Variants in TNR observed in about 807,000 individuals in gnomAD.
TNR encodes the protein tenascin-R.
Under a neutral mutation model 150.4 loss-of-function variants are expected in TNR, and 45 were observed. The observed-to-expected ratio is 0.30, with a 90% CI of 0.24 to 0.38. The LOEUF is 0.38. TNR is among the 10% of genes least tolerant of loss of function. The pLI, the probability that TNR is intolerant of heterozygous loss-of-function variation, is 1.00. For missense variants in TNR, 1,544 were observed against 1,759.1 expected (o/e 0.88, Z 2.19); for synonymous variants, 687 against 678.4 (o/e 1.01, Z -0.20).
At chr1:175,349,045 TTATCTC>T (rs1343621706) in intron 18 of TNR, among the ~76,000 whole-genome samples, 2 of 152,302 alleles carry the variant, frequency 1.3e-5, no homozygotes, top group African/African-American at 2.4e-5. Flanking sequence ...GAGATATAAA[TTATCTC>T]TATGAGATTA....
intron 2 of TNR, among the ~76,000 whole-genome samples, chr1:175,436,115 C>T (rs576614477): frequency 1.3e-5 from 2 of 152,200 alleles, no homozygotes; most frequent in East Asian, 3.9e-4. Flanking sequence ...AATTATGTGT[C>T]TTGGAGTTGC....
chr1:175,366,199 G>T, intron 10 of TNR, 61 bp from the exon 11 acceptor site: 1 of 1,503,676 alleles, frequency 6.7e-7, no homozygotes. Context: ...GTATTTATTG[G>T]CCTGCTTTGT....
At chr1:175,694,134 C>T (rs1220428912) in intron 1 of TNR, among the ~76,000 whole-genome samples, 1 of 152,168 alleles carries the variant, frequency 6.6e-6, no homozygotes, top group Non-Finnish European at 1.5e-5. Context: ...GCTCAGAATC[C>T]AATATTTACA....
intron 1 of TNR, among the ~76,000 whole-genome samples, chr1:175,545,918 C>T (rs4650922): frequency 0.68 from 102,792 of 151,966 alleles, 34,976 homozygotes; most frequent in Admixed American, 0.72. Flanking sequence ...ATATGCATTA[C>T]AGATGAGGGA....
At chr1:175,466,959 G>T (rs1305769520) in intron 2 of TNR, among the ~76,000 whole-genome samples, 2 of 152,124 alleles carry the variant, frequency 1.3e-5, no homozygotes, top group Non-Finnish European at 2.9e-5. Context: ...ATTAAATTGT[G>T]GCAGAGGTGG....
intron 1 of TNR, among the ~76,000 whole-genome samples, chr1:175,713,589 C>T (rs781163780): frequency 2.6e-5 from 4 of 152,210 alleles, no homozygotes; most frequent in African/African-American, 4.8e-5. Flanking sequence ...TATGCTAAAA[C>T]GCTTCTCATT....
At chr1:175,465,632 T>C (rs1231399316) in intron 2 of TNR, among the ~76,000 whole-genome samples, 1 of 152,026 alleles carries the variant, frequency 6.6e-6, no homozygotes, top group East Asian at 1.9e-4. Flanking sequence ...TCCAGAAATA[T>C]ATGTGGAAGG....
rs1398484101 is a variant in TNR, at chr1:175,396,554, C to T, written c.1230G>A (p.Lys410=). The T allele has an allele frequency of 3.7e-6, 6 of 1,613,906 alleles. No individual in the cohort carries two copies. The Admixed American group carries it at 8.3e-5, about 22-fold the overall frequency. Residue 410 remains lysine, a synonymous_variant, in exon 5 of 23, where the codon AAG becomes AAA. Transcript: ENST00000367674. The part of the protein sequence containing the change: ...SNILSLPITA[K]VATHLSTPQG... The stretch of plus-strand genomic sequence containing the variant: ...GGAAATGGTACGTACGGGTGGCCAC[C>T]TTGGCAGTGATGGGAAGGCTGAGGA...
At chr1:175,330,459 G>A in intron 20 of TNR, 1 of 395,558 alleles carries the variant, frequency 2.5e-6, no homozygotes, top group African/African-American at 2.0e-5. Context: ...TTCCAACACA[G>A]GAAACTCAGG....
chr1:175,559,449 T>C (rs1288137347), intron 1 of TNR, among the ~76,000 whole-genome samples: 2 of 152,210 alleles, frequency 1.3e-5, no homozygotes, highest in Non-Finnish European at 2.9e-5. Flanking sequence ...TTAAATAGAA[T>C]GAAAATTGTG....
At position 175,363,732 on chromosome 1, in the gene TNR, G is replaced by A. The variant is rs2102012302; in HGVS notation, c.2683C>T (p.Arg895Ter). Reference protein sequence around the residue: ...SPPVASFDYYRVSYRPTQVGR... With the variant: ...SPPVASFDYY ...CCTTGGGTGGGTCGATATGATACTC[G>A]GTAGTAATCGAAAGATGCAACAGGA... Residue 895 changes from arginine (R) to a stop codon, truncating the protein, a stop_gained, in exon 13 of 23, where the codon CGA becomes TGA. Coordinates refer to ENST00000367674, the MANE Select transcript of TNR (RefSeq NM_003285.3). LOFTEE classifies it high-confidence loss of function. 1.9e-6 allele frequency: 3 copies of A among 1,613,764 alleles called. No homozygotes were observed. The highest frequency in any genetic ancestry group is 2.2e-5 in the South Asian group (2 of 90,960).
chr1:175,646,898 C>G (rs1048629930), intron 1 of TNR, among the ~76,000 whole-genome samples: 1 of 152,184 alleles, frequency 6.6e-6, no homozygotes, highest in Non-Finnish European at 1.5e-5. Flanking sequence ...ATTTTGGGAT[C>G]CAATACGTCC....
intron 1 of TNR, among the ~76,000 whole-genome samples, chr1:175,559,886 C>A (rs1661353602): frequency 6.6e-6 from 1 of 152,146 alleles, no homozygotes; most frequent in African/African-American, 2.4e-5. Flanking sequence ...ACTCTTATGG[C>A]AACCTTCTGA....
chr1:175,465,441 T>C (rs1656990098), intron 2 of TNR, among the ~76,000 whole-genome samples: 1 of 152,208 alleles, frequency 6.6e-6, no homozygotes, highest in Admixed American at 6.5e-5. Flanking sequence ...TCAAGCATAT[T>C]GATCATAAAG....
intron 1 of TNR, among the ~76,000 whole-genome samples, chr1:175,699,731 T>G (rs528657919): frequency 7.9e-5 from 12 of 152,098 alleles, no homozygotes; most frequent in Admixed American, 3.9e-4. Flanking sequence ...CAACAGAGAT[T>G]GTGGAAGGGG....
intron 19 of TNR, 49 bp downstream of exon 19, chr1:175,337,479 T>C (rs1315302054): frequency 1.2e-6 from 2 of 1,609,822 alleles, no homozygotes; most frequent in Non-Finnish European, 1.7e-6. Context: ...CTAGGTAGAC[T>C]AGAACACTGA....
At chr1:175,609,274 A>G (rs1461500959) in intron 1 of TNR, among the ~76,000 whole-genome samples, 1 of 152,234 alleles carries the variant, frequency 6.6e-6, no homozygotes, top group Non-Finnish European at 1.5e-5. Flanking sequence ...CAAATCAATA[A>G]TCAATAATTT....
At chr1:175,385,627 T>G (rs1447601206) in intron 8 of TNR, among the ~76,000 whole-genome samples, 1 of 152,188 alleles carries the variant, frequency 6.6e-6, no homozygotes, top group Non-Finnish European at 1.5e-5. Flanking sequence ...TTATGATAAT[T>G]TCCAGCAAAT....
intron 1 of TNR, among the ~76,000 whole-genome samples, chr1:175,732,082 TC>T (rs1166451839): frequency 6.6e-6 from 1 of 152,148 alleles, no homozygotes; most frequent in Non-Finnish European, 1.5e-5. Context: ...ACTCCCTGCC[TC>T]CCCTTGAATC....
Sources: gnomAD v4.1 joint callset for allele counts (sites outside exome capture counted in the v4.1 genomes callset) on GRCh38, gnomAD v4.1.1 for gene constraint, MANE v1.5 for transcripts, NCBI Gene and HGNC (gene_info 2026-07-23, HGNC 2026-07-21) for gene names.